The following CA8 variants were observed in gnomAD, a reference collection of about 807,000 sequenced individuals.
The protein encoded by CA8 is carbonic anhydrase 8 (inactive), also known as carbonic anhydrase-related protein.
In CA8, 22 loss-of-function variants were observed where a neutral mutation model predicts 41.4. That is an observed-to-expected ratio of 0.53 (90% CI 0.38 to 0.76). The LOEUF (loss-of-function observed/expected upper bound fraction) is 0.76. CA8 is among the 30% of genes least tolerant of loss of function. The pLI is 0.00. For missense variants in CA8, 270 were observed against 352.8 expected (o/e 0.77, Z 1.88); for synonymous variants, 121 against 130.6 (o/e 0.93, Z 0.50).
chr8:60,192,977 C>CACT (rs1806178977), intron 8 of CA8, among the ~76,000 whole-genome samples: 1 of 115,298 alleles, frequency 8.7e-6, no homozygotes, highest in East Asian at 2.7e-4. Context: ...ACACACACAC[C>CACT]CCACCCCATA....
chr8:60,259,686 A>G lies in CA8; in HGVS notation c.417+6239T>C, dbSNP rs181658092. The stretch of plus-strand genomic sequence containing the variant: ...AATCAAAGCAGAAACCATGATTTTT[A>G]TGAAGTAAAAATGCAAGTGTTCATT... On this transcript the variant is annotated intron_variant, in intron 3 of 8. Transcript: ENST00000317995. Among the ~76,000 whole-genome samples, 468 of 152,228 alleles carry G rather than the reference A, an allele frequency of 3.1e-3. 3 individuals are homozygous for G. The highest frequency in any genetic ancestry group is 0.011 in the African/African-American group (445 of 41,554).
chr8:60,276,331 A>T (rs2130629069), intron 2 of CA8, among the ~76,000 whole-genome samples: 1 of 152,332 alleles, frequency 6.6e-6, no homozygotes, highest in Admixed American at 6.5e-5. Flanking sequence ...AGCAGAAAAG[A>T]AAAGCAGCCT....
chr8:60,249,844 T>G (rs1352362183), intron 3 of CA8, among the ~76,000 whole-genome samples: 2 of 152,234 alleles, frequency 1.3e-5, no homozygotes, highest in African/African-American at 2.4e-5. Flanking sequence ...AATCAAGCAG[T>G]AGATCTTATT....
rs370607556 is a variant in CA8, at chr8:60,219,799, T to C, written c.738+2850A>G. 6.5e-4 allele frequency among the ~76,000 whole-genome samples: 99 copies of C among 152,124 alleles called. 1 individual carries two copies. In the South Asian group the frequency reaches 0.02, roughly 31 times the overall value. ...CCAGGCAAAGGTTTCTTAATCTCCC[T>C]AGGCCTCAATCACCTCATCTGAAAC... On this transcript the variant is annotated intron_variant, in intron 7 of 8. Coordinates refer to ENST00000317995, the MANE Select transcript of CA8 (RefSeq NM_004056.6).
At chr8:60,262,529 A>G (rs1228206265) in intron 3 of CA8, among the ~76,000 whole-genome samples, 1 of 152,192 alleles carries the variant, frequency 6.6e-6, no homozygotes, top group Non-Finnish European at 1.5e-5. Flanking sequence ...TGAATATCAC[A>G]ATGCAAAACA....
rs78555396 is a variant in CA8, at chr8:60,187,042, A to T, written c.*2979T>A. 9.6e-3 allele frequency among the ~76,000 whole-genome samples: 1,459 copies of T among 152,224 alleles called. 30 individuals are homozygous for T. The highest frequency in any genetic ancestry group is 0.034 in the African/African-American group (1,405 of 41,582). On this transcript the variant is annotated 3_prime_UTR_variant, in exon 9 of 9. Coordinates refer to ENST00000317995, the MANE Select transcript of CA8 (RefSeq NM_004056.6). The stretch of plus-strand genomic sequence containing the variant: ...AACAACAGTACAATACATACTCTTA[A>T]GTACACATGGATTATTCTGCAGGAT...
rs151315890 is a variant in CA8, at chr8:60,263,253, C to T, written c.417+2672G>A. Among the ~76,000 whole-genome samples the T allele has an allele frequency of 2.4e-4, 36 of 148,526 alleles. No homozygotes were observed. In the East Asian group the frequency reaches 5.2e-3, roughly 21 times the overall value. ...CACATAATCACCTGAAACTGGGAGG[C>T]GGAAGCTGCAGAGAGCCGAGACTGT... On this transcript the variant is annotated intron_variant, in intron 3 of 8. Transcript: ENST00000317995.
chr8:60,205,709 G>A (rs1331614986), intron 8 of CA8, among the ~76,000 whole-genome samples: 1 of 152,094 alleles, frequency 6.6e-6, no homozygotes, highest in African/African-American at 2.4e-5. Context: ...ATTACTCATG[G>A]GAATAATAAA....
intron 3 of CA8, among the ~76,000 whole-genome samples, chr8:60,259,840 C>G (rs558734205): frequency 6.6e-6 from 1 of 151,652 alleles, no homozygotes; most frequent in South Asian, 2.1e-4. Flanking sequence ...TGTTTATACA[C>G]AGGCTCAATC....
chr8:60,245,276 CA>C (rs879941013), intron 3 of CA8, among the ~76,000 whole-genome samples: 5,121 of 147,826 alleles, frequency 0.035, 281 homozygotes, highest in African/African-American at 0.11. Context: ...AGAATTCTAC[CA>C]AAAAAAAAAA....
intron 3 of CA8, among the ~76,000 whole-genome samples, chr8:60,248,518 C>T (rs1808330921): frequency 6.6e-6 from 1 of 152,082 alleles, no homozygotes; most frequent in Non-Finnish European, 1.5e-5. Flanking sequence ...AATCCTTTCC[C>T]CGTTGCTTGT....
chr8:60,265,995 C>T lies in CA8; in HGVS notation c.347G>A (p.Arg116Lys). ...CTGGTTTTCTCTTCCCCAGTGAAATCTCACTTCGTACAGTTCAAATTCATG... is the reference window on the plus strand; with the variant it reads ...CTGGTTTTCTCTTCCCCAGTGAAATTTCACTTCGTACAGTTCAAATTCATG... Reference protein sequence around the residue: ...QGHEFELYEVRFHWGRENQRG... With the variant: ...QGHEFELYEVKFHWGRENQRG... Residue 116 changes from arginine (R) to lysine (K), a missense_variant, in exon 3 of 9, where the codon AGA becomes AAA. Around this residue, in one of 3 missense-constraint regions of CA8, gnomAD observed 6 missense variants for 24.5 expected, o/e 0.24. Transcript: ENST00000317995. 3 of 1,613,958 alleles carry T rather than the reference C, an allele frequency of 1.9e-6. No individual in the cohort carries two copies. The highest frequency in any genetic ancestry group is 2.2e-5 in the East Asian group (1 of 44,880).
rs749153422 is a variant in CA8 at position 60,228,093 on chromosome 8, T to C, written c.514-1158A>G. Among the ~76,000 whole-genome samples, 47 of 152,288 alleles carry C rather than the reference T, an allele frequency of 3.1e-4. 1 individual carries two copies. Among genetic ancestry groups the C allele is most frequent in the Non-Finnish European group, 3.7e-4 (25 of 68,010 alleles). On this transcript the variant is annotated intron_variant, in intron 4 of 8. Coordinates refer to ENST00000317995, the MANE Select transcript of CA8 (RefSeq NM_004056.6). ...TTTACATTCTCTGTTTCTCCCAATG[T>C]TAACTAACTGCAAAACATGCAGATG... is the stretch of plus-strand genomic sequence containing the variant.
intron 8 of CA8, among the ~76,000 whole-genome samples, chr8:60,200,183 T>C (rs950186463): frequency 2.0e-5 from 3 of 152,314 alleles, no homozygotes; most frequent in Non-Finnish European, 2.9e-5. Context: ...AAACAAGAAG[T>C]GGGGCCTCAC....
chr8:60,270,167 A>T (rs958554472), intron 2 of CA8, among the ~76,000 whole-genome samples: 3 of 152,226 alleles, frequency 2.0e-5, no homozygotes, highest in Admixed American at 2.0e-4. Context: ...GGGGACTAAC[A>T]TGATCATATC....
chr8:60,191,514 A>G (rs1246143152), intron 8 of CA8, among the ~76,000 whole-genome samples: 2 of 152,136 alleles, frequency 1.3e-5, no homozygotes, highest in Non-Finnish European at 2.9e-5. Context: ...CTGTTAAAAT[A>G]TGGTTCTTTA....
At chr8:60,207,539 A>G (rs1285957330) in intron 8 of CA8, among the ~76,000 whole-genome samples, 1 of 152,152 alleles carries the variant, frequency 6.6e-6, no homozygotes, top group Non-Finnish European at 1.5e-5. Flanking sequence ...ACTGCCACTC[A>G]GTGGCACTCC....
intron 8 of CA8, among the ~76,000 whole-genome samples, chr8:60,207,142 C>T (rs558709082): frequency 1.4e-3 from 207 of 152,188 alleles, no homozygotes; most frequent in African/African-American, 4.6e-3. Flanking sequence ...CTGCCCATGT[C>T]GTGGTGAAGA....
chr8:60,228,264 G>T (rs975761683), intron 4 of CA8, among the ~76,000 whole-genome samples: 3 of 152,184 alleles, frequency 2.0e-5, no homozygotes, highest in Non-Finnish European at 4.4e-5. Flanking sequence ...AATAAATTTT[G>T]TAAAGTTAAA....
Sources: gnomAD v4.1 joint callset for allele counts (sites outside exome capture counted in the v4.1 genomes callset) on GRCh38, gnomAD v4.1.1 for gene constraint, gnomAD v4.1.1 regional missense constraint, MANE v1.5 for transcripts, NCBI Gene and HGNC (gene_info 2026-07-23, HGNC 2026-07-21) for gene names.